The following XKR6 variants were observed in gnomAD, a reference collection of about 807,000 sequenced individuals.
The protein encoded by XKR6 is XK related 6.
In XKR6, 22 loss-of-function variants were observed where a neutral mutation model predicts 56.7. The ratio of observed to expected loss-of-function variants is 0.39; its 90% CI spans 0.28 to 0.55. XKR6 has a LOEUF of 0.55. XKR6 is among the 20% of genes least tolerant of loss of function. The probability of loss-of-function intolerance (pLI) is 0.66; values close to 1 mark genes in which losing one functional copy is unlikely to be tolerated. For synonymous variants in XKR6, 524 were observed against 387.8 expected (o/e 1.35, Z -4.13); for missense variants, 852 against 889.0 (o/e 0.96, Z 0.53).
chr8:11,064,756 G>A (rs141408027), intron 1 of XKR6, among the ~76,000 whole-genome samples: 11 of 152,274 alleles, frequency 7.2e-5, no homozygotes, highest in East Asian at 1.9e-4. Flanking sequence ...AACTTGTAAC[G>A]TGAAAGAATG....
chr8:11,179,004 G>A (rs1043280976), intron 1 of XKR6, among the ~76,000 whole-genome samples: 2 of 146,912 alleles, frequency 1.4e-5, no homozygotes, highest in Non-Finnish European at 3.0e-5. Context: ...GACCACACCT[G>A]GCTAATTTTC....
intron 1 of XKR6, among the ~76,000 whole-genome samples, chr8:11,191,256 C>A (rs113894897): frequency 6.6e-6 from 1 of 152,182 alleles, no homozygotes; most frequent in African/African-American, 2.4e-5. Flanking sequence ...AAAACACATA[C>A]ACCCACCAAC....
In XKR6 at chr8:11,111,659, C is replaced by T. The variant is rs538235156; in HGVS notation, c.764+88917G>A. On this transcript the variant is annotated intron_variant, in intron 1 of 2. Transcript: ENST00000416569. ...CCCAAAACCTTCAAAAGATAACTGTCTCCAAAGCATGACACTAATACTGAT... is the reference window on the plus strand; with the variant it reads ...CCCAAAACCTTCAAAAGATAACTGTTTCCAAAGCATGACACTAATACTGAT... 5.3e-5 allele frequency: 8 copies of T among 152,250 alleles called. No homozygotes were observed. The South Asian group carries it at 1.7e-3, about 32-fold the overall frequency. 9.4% of individuals were successfully genotyped at this position (152,250 alleles called of 1,614,324 possible).
intron 1 of XKR6, chr8:11,105,329 T>C (rs1386717226): frequency 2.0e-5 from 3 of 152,226 alleles, no homozygotes; most frequent in Admixed American, 1.3e-4. Flanking sequence ...AGGAACAATT[T>C]AAGGCTGAAA....
intron 1 of XKR6, among the ~76,000 whole-genome samples, chr8:11,162,365 T>G (rs1027428287): frequency 6.6e-6 from 1 of 152,136 alleles, no homozygotes; most frequent in Non-Finnish European, 1.5e-5. Context: ...TCACTCCAGC[T>G]TTAGGGCCTT....
At chr8:11,007,927 G>T (rs958759009) in intron 1 of XKR6, among the ~76,000 whole-genome samples, 9 of 151,452 alleles carry the variant, frequency 5.9e-5, no homozygotes, top group Admixed American at 1.3e-4. Context: ...GGGGCAGAGT[G>T]GGGGGAGGGC....
chr8:11,190,572 A>G lies in XKR6; in HGVS notation c.764+10004T>C, dbSNP rs886569964. On this transcript the variant is annotated intron_variant, in intron 1 of 2. Coordinates refer to ENST00000416569, the MANE Select transcript of XKR6 (RefSeq NM_173683.4). ...AGCTGTTTGATTCATCAGCAGTTAC[A>G]ATCAACTACAAGACTTACAAGCCTA... Among the ~76,000 whole-genome samples the G allele has an allele frequency of 1.5e-4, 23 of 152,328 alleles. 1 individual carries two copies. Among genetic ancestry groups the G allele is most frequent in the African/African-American group, 5.5e-4 (23 of 41,576 alleles).
At chr8:11,129,617 TA>T (rs1309918338) in intron 1 of XKR6, among the ~76,000 whole-genome samples, 1 of 152,218 alleles carries the variant, frequency 6.6e-6, no homozygotes, top group Non-Finnish European at 1.5e-5. Context: ...AGACGTTTCT[TA>T]AAAGATTATA....
At chr8:11,054,411 G>C (rs562196014) in intron 1 of XKR6, among the ~76,000 whole-genome samples, 116 of 152,352 alleles carry the variant, frequency 7.6e-4, no homozygotes, top group African/African-American at 2.6e-3. Flanking sequence ...CCATGTACCG[G>C]TGTTCAAGTT....
intron 2 of XKR6, among the ~76,000 whole-genome samples, chr8:10,900,881 G>GTT (rs1800017882): frequency 8.6e-5 from 9 of 104,256 alleles, no homozygotes; most frequent in Non-Finnish European, 7.8e-5. Flanking sequence ...TTGAGACAGG[G>GTT]TTTTACCCTG....
chr8:11,114,782 A>C (rs1208376167), intron 1 of XKR6, among the ~76,000 whole-genome samples: 1 of 99,878 alleles, frequency 1.0e-5, no homozygotes, highest in Non-Finnish European at 2.6e-5. Context: ...TGTATGTGCC[A>C]GGGCAAGAAA....
chr8:11,010,319 C>A (rs1381057343), intron 1 of XKR6, among the ~76,000 whole-genome samples: 1 of 152,198 alleles, frequency 6.6e-6, no homozygotes, highest in African/African-American at 2.4e-5. Context: ...TACAATTTGA[C>A]ATGAGAATTG....
chr8:11,154,753 C>G (rs77647150), intron 1 of XKR6, among the ~76,000 whole-genome samples: 2 of 152,268 alleles, frequency 1.3e-5, no homozygotes, highest in Non-Finnish European at 2.9e-5. Flanking sequence ...TCTGTTGGTT[C>G]CTTCTCTGCC....
intron 1 of XKR6, among the ~76,000 whole-genome samples, chr8:11,110,434 C>T (rs1798845376): frequency 2.0e-5 from 3 of 152,202 alleles, no homozygotes; most frequent in Admixed American, 1.3e-4. Context: ...TTCTGCTATA[C>T]ACTAGTTTCG....
chr8:11,016,666 C>T (rs964020949), intron 1 of XKR6, among the ~76,000 whole-genome samples: 2 of 152,120 alleles, frequency 1.3e-5, no homozygotes, highest in Non-Finnish European at 2.9e-5. Context: ...CGGATGACGA[C>T]GCCCCAGGCC....
chr8:11,174,634 G>A (rs187559469), intron 1 of XKR6, among the ~76,000 whole-genome samples: 3 of 152,218 alleles, frequency 2.0e-5, no homozygotes, highest in African/African-American at 4.8e-5. Context: ...GGAACAAAGC[G>A]GCTGCGACTG....
At chr8:11,173,829 C>T (rs1002895337) in intron 1 of XKR6, among the ~76,000 whole-genome samples, 1 of 152,170 alleles carries the variant, frequency 6.6e-6, no homozygotes, top group Non-Finnish European at 1.5e-5. Context: ...TATGTACCCA[C>T]CCACAAGTCA....
intron 1 of XKR6, among the ~76,000 whole-genome samples, chr8:11,029,059 C>T (rs556602795): frequency 2.0e-5 from 3 of 152,128 alleles, no homozygotes; most frequent in Non-Finnish European, 2.9e-5. Flanking sequence ...CCTGTTAGGA[C>T]ACCAGTGATG....
Position 10,984,270 on chromosome 8 carries a change from C to A in XKR6, c.765-59440G>T, listed in dbSNP as rs558203268. ...CTAAAATTCAACATCCATTCTCAAT[C>A]AAAATAAAACTCTTTATTGTAAAAC... On this transcript the variant is annotated intron_variant, in intron 1 of 2. Transcript: ENST00000416569. 2.5e-4 allele frequency among the ~76,000 whole-genome samples: 38 copies of A among 152,252 alleles called. No homozygotes were observed. In the South Asian group the frequency reaches 5.2e-3, roughly 21 times the overall value.
Sources: allele counts gnomAD v4.1 joint callset (sites outside exome capture counted in the v4.1 genomes callset), GRCh38; gene constraint gnomAD v4.1.1; transcripts MANE v1.5; gene names NCBI Gene and HGNC (gene_info 2026-07-23, HGNC 2026-07-21).